The following WWOX variants were observed in gnomAD, a reference collection of about 807,000 sequenced individuals.
The protein encoded by WWOX is WW domain containing oxidoreductase, also known as WW domain-containing oxidoreductase.
Under a neutral mutation model 46.2 loss-of-function variants are expected in WWOX, and 69 were observed. That is an observed-to-expected ratio of 1.49 (90% CI 1.23 to 1.82). WWOX has a LOEUF of 1.82. Among genes scored for constraint, WWOX ranks in the 40% most tolerant of loss-of-function variants. The pLI, the probability that WWOX is intolerant of heterozygous loss-of-function variation, is 0.00. For missense variants in WWOX, 919 were observed against 542.6 expected (o/e 1.69, Z -6.89); for synonymous variants, 359 against 202.6 (o/e 1.77, Z -6.56).
intron 8 of WWOX, among the ~76,000 whole-genome samples, chr16:78,938,033 A>G (rs1448088514): frequency 1.3e-5 from 2 of 152,098 alleles, no homozygotes; most frequent in Non-Finnish European, 2.9e-5. Flanking sequence ...TCACCGTCCT[A>G]TGGGGAGATA....
chr16:78,205,827 ACCTTCCTT>A (rs545936818), intron 5 of WWOX, among the ~76,000 whole-genome samples: 3 of 144,950 alleles, frequency 2.1e-5, no homozygotes, highest in Middle Eastern at 3.5e-3. Flanking sequence ...CTTCCTTCCT[ACCTTCCTT>A]CCTTCCTTCC....
At chr16:78,685,740 T>A in intron 8 of WWOX, among the ~76,000 whole-genome samples, 1 of 152,188 alleles carries the variant, frequency 6.6e-6, no homozygotes, top group East Asian at 1.9e-4. Context: ...GCCCCTCATT[T>A]GGCTTGCCAA....
chr16:78,959,033 A>G (rs1466231375), intron 8 of WWOX, among the ~76,000 whole-genome samples: 1 of 152,224 alleles, frequency 6.6e-6, no homozygotes, highest in Non-Finnish European at 1.5e-5. Context: ...AAGACATTTA[A>G]TATTAAAATA....
intron 5 of WWOX, among the ~76,000 whole-genome samples, chr16:78,220,826 G>GA (rs1297514804): frequency 6.6e-6 from 1 of 152,142 alleles, no homozygotes; most frequent in African/African-American, 2.4e-5. Flanking sequence ...GTTCTACAGA[G>GA]AAACATGCCC....
At chr16:78,853,178 A>G (rs1358860974) in intron 8 of WWOX, among the ~76,000 whole-genome samples, 2 of 152,176 alleles carry the variant, frequency 1.3e-5, no homozygotes, top group Admixed American at 1.3e-4. Context: ...ATGTATAGCC[A>G]TGGCAAATGC....
chr16:78,334,249 T>C (rs1354237516), intron 5 of WWOX, among the ~76,000 whole-genome samples: 4 of 152,178 alleles, frequency 2.6e-5, no homozygotes, highest in Non-Finnish European at 5.9e-5. Context: ...AAAATTCACT[T>C]TAGTTATTAT....
Position 78,741,786 on chromosome 16 carries a change from C to T in WWOX, c.1056+309034C>T, listed in dbSNP as rs189076949. On this transcript the variant is annotated intron_variant, in intron 8 of 8. Transcript: ENST00000566780. The stretch of plus-strand genomic sequence containing the variant: ...AGGAGAATTGCTTGAATCCAGGAGA[C>T]GGAGGTTGCAGTGAGTTGAGACTGT... Among the ~76,000 whole-genome samples the T allele has an allele frequency of 1.7e-3, 259 of 152,090 alleles. 1 individual carries two copies. The highest frequency in any genetic ancestry group is 5.1e-4 in the Non-Finnish European group (35 of 67,984).
intron 8 of WWOX, among the ~76,000 whole-genome samples, chr16:78,947,111 AAAG>A (rs2045964323): frequency 6.6e-6 from 1 of 152,104 alleles, no homozygotes; most frequent in South Asian, 2.1e-4. Context: ...GAAAAAAAAA[AAAG>A]AGGGGGAAAA....
intron 8 of WWOX, among the ~76,000 whole-genome samples, chr16:79,105,021 C>T (rs893270104): frequency 2.6e-5 from 4 of 152,094 alleles, no homozygotes; most frequent in Non-Finnish European, 4.4e-5. Flanking sequence ...CCGGTCAGCA[C>T]GGGGCTGGGT....
intron 8 of WWOX, among the ~76,000 whole-genome samples, chr16:79,036,484 C>G (rs1317171298): frequency 6.6e-6 from 1 of 152,248 alleles, no homozygotes; most frequent in Non-Finnish European, 1.5e-5. Flanking sequence ...GACAAACCCT[C>G]CTATGGTGCA....
intron 8 of WWOX, among the ~76,000 whole-genome samples, chr16:78,571,546 C>G (rs370884715): frequency 3.9e-5 from 6 of 152,124 alleles, no homozygotes; most frequent in Admixed American, 3.3e-4. Context: ...ACCATATTAT[C>G]GAAAGGATGT....
intron 6 of WWOX, among the ~76,000 whole-genome samples, chr16:78,410,819 A>AG (rs2082663299): frequency 6.6e-6 from 1 of 151,864 alleles, no homozygotes; most frequent in Non-Finnish European, 1.5e-5. Context: ...AAAAAAAAAA[A>AG]AAAAAAAAAG....
chr16:78,146,208 G>C (rs895094208), intron 4 of WWOX, among the ~76,000 whole-genome samples: 1 of 152,092 alleles, frequency 6.6e-6, no homozygotes, highest in Non-Finnish European at 1.5e-5. Context: ...CAAGTGCTTA[G>C]GCTCCCGCTG....
At chr16:79,011,135 CCACACACA>C (rs10611855) in intron 8 of WWOX, among the ~76,000 whole-genome samples, 3,211 of 146,286 alleles carry the variant, frequency 0.022, 90 homozygotes, top group Admixed American at 0.062. Context: ...ACTCACACAT[CCACACACA>C]CACACACACA....
chr16:78,370,457 G>C lies in WWOX; in HGVS notation c.517-16403G>C, dbSNP rs529882508. On this transcript the variant is annotated intron_variant, in intron 5 of 8. Coordinates refer to ENST00000566780, the MANE Select transcript of WWOX (RefSeq NM_016373.4). The stretch of plus-strand genomic sequence containing the variant: ...TACATTGGGAAAGGGAAAAAGGAGA[G>C]AAATATATGAGAGACGTATGCTGGG... Among the ~76,000 whole-genome samples, 6 of 151,740 alleles carry C rather than the reference G, an allele frequency of 4.0e-5. No homozygotes were observed. The South Asian group carries it at 1.3e-3, about 32-fold the overall frequency.
intron 4 of WWOX, among the ~76,000 whole-genome samples, chr16:78,151,602 G>T (rs1003536912): frequency 1.3e-5 from 2 of 152,134 alleles, no homozygotes; most frequent in African/African-American, 4.8e-5. Context: ...GTTTGGAATA[G>T]GAATAGGCTC....
At chr16:78,207,195 A>G (rs1211125222) in intron 5 of WWOX, among the ~76,000 whole-genome samples, 1 of 152,216 alleles carries the variant, frequency 6.6e-6, no homozygotes, top group Non-Finnish European at 1.5e-5. Flanking sequence ...AGTTACCCAC[A>G]TGGACCTACT....
At chr16:78,589,850 C>T (rs1329373859) in intron 8 of WWOX, among the ~76,000 whole-genome samples, 2 of 152,114 alleles carry the variant, frequency 1.3e-5, no homozygotes, top group Admixed American at 6.5e-5. Flanking sequence ...TATGATGCTA[C>T]TTCTTAGCTG....
intron 8 of WWOX, among the ~76,000 whole-genome samples, chr16:79,173,864 T>TG (rs771116839): frequency 6.6e-6 from 1 of 152,138 alleles, no homozygotes; most frequent in Non-Finnish European, 1.5e-5. Flanking sequence ...GAAAGATGGA[T>TG]GGGGGAGAGG....
Sources: allele counts gnomAD v4.1 joint callset (sites outside exome capture counted in the v4.1 genomes callset), GRCh38; gene constraint gnomAD v4.1.1; transcripts MANE v1.5; gene names NCBI Gene and HGNC (gene_info 2026-07-23, HGNC 2026-07-21).